Variants in ARID1B observed in about 807,000 individuals in gnomAD.
The protein encoded by ARID1B is AT-rich interaction domain 1B.
Under a neutral mutation model 212.3 loss-of-function variants are expected in ARID1B, and 30 were observed. The observed-to-expected ratio is 0.14, with a 90% confidence interval of 0.11 to 0.19. The LOEUF (loss-of-function observed/expected upper bound fraction) is 0.19, where lower values mean the gene tolerates loss of function less well. Ranked by LOEUF, ARID1B falls within the 10% of genes least tolerant of loss-of-function variation. The probability of loss-of-function intolerance (pLI) is 1.00; values close to 1 mark genes in which losing one functional copy is unlikely to be tolerated. For missense variants in ARID1B, 2,891 were observed against 3,204.0 expected (o/e 0.90, Z 2.36); for synonymous variants, 1,402 against 1,301.7 (o/e 1.08, Z -1.66).
At chr6:157,161,050 A>G (rs1790896325) in intron 8 of ARID1B, among the ~76,000 whole-genome samples, 1 of 152,172 alleles carries the variant, frequency 6.6e-6, no homozygotes, top group Non-Finnish European at 1.5e-5. Flanking sequence ...TACTTATCTT[A>G]AAATACTCAT....
chr6:156,916,101 A>G (rs1198391330), intron 3 of ARID1B, among the ~76,000 whole-genome samples: 1 of 152,176 alleles, frequency 6.6e-6, no homozygotes, highest in Non-Finnish European at 1.5e-5. Flanking sequence ...AGAATTTGGA[A>G]TTAGGATGGA....
chr6:157,016,756 T>A (rs780737580), intron 4 of ARID1B, among the ~76,000 whole-genome samples: 2 of 152,244 alleles, frequency 1.3e-5, no homozygotes, highest in Non-Finnish European at 2.9e-5. Context: ...ATAATGATAT[T>A]ACTTATTTTT....
intron 5 of ARID1B, among the ~76,000 whole-genome samples, chr6:157,098,160 GC>G (rs1387757506): frequency 1.3e-5 from 2 of 152,054 alleles, no homozygotes; most frequent in Non-Finnish European, 2.9e-5. Flanking sequence ...TTATTAATTT[GC>G]CCTGGTGAGA....
chr6:156,820,070 A>C (rs1427095655), intron 1 of ARID1B, among the ~76,000 whole-genome samples: 2 of 152,174 alleles, frequency 1.3e-5, no homozygotes, highest in Non-Finnish European at 2.9e-5. Flanking sequence ...CTCTGAGGTC[A>C]GAGAGAGGCG....
chr6:156,865,876 T>C (rs1785650493), intron 2 of ARID1B, among the ~76,000 whole-genome samples: 1 of 137,452 alleles, frequency 7.3e-6, no homozygotes, highest in Non-Finnish European at 1.7e-5. Context: ...CCTGTTCTTA[T>C]TTGAGGGTAG....
intron 17 of ARID1B, among the ~76,000 whole-genome samples, chr6:157,199,912 C>CT (rs1051975989): frequency 3.3e-5 from 5 of 152,188 alleles, no homozygotes; most frequent in Admixed American, 2.6e-4. Context: ...GGTGATCCTC[C>CT]TGCCTCAGCC....
At position 157,190,232 on chromosome 6, in the gene ARID1B, C is replaced by T. The variant is rs778599403; in HGVS notation, c.4231+22C>T. On this transcript the variant is annotated intron_variant, in intron 15 of 19. Transcript: ENST00000636930. This position sits in a 1 kb window ranked among gnomAD's most constrained non-coding sequence, Gnocchi z 4.6. ...AAAGGTACGTGTAGAGGGGCCTCCA[C>T]CCGGCCATGGACCAGTGGGCATTCT... 1.9e-6 allele frequency: 3 copies of T among 1,592,898 alleles called. No individual in the cohort carries two copies. The highest frequency in any genetic ancestry group is 2.6e-6 in the Non-Finnish European group (3 of 1,173,116).
chr6:156,908,224 C>A (rs1476342622), intron 3 of ARID1B, among the ~76,000 whole-genome samples: 1 of 151,976 alleles, frequency 6.6e-6, no homozygotes, highest in African/African-American at 2.4e-5. Flanking sequence ...GATTTCATTT[C>A]TTTTGTCAAT....
At chr6:157,191,286 C>T (rs578197393) in intron 15 of ARID1B, among the ~76,000 whole-genome samples, 1 of 151,062 alleles carries the variant, frequency 6.6e-6, no homozygotes, top group African/African-American at 2.4e-5. Context: ...GTGGAGTGAA[C>T]GCGGGCCCTG....
intron 2 of ARID1B, among the ~76,000 whole-genome samples, chr6:156,852,204 C>G (rs1052518495): frequency 6.6e-6 from 1 of 152,124 alleles, no homozygotes; most frequent in East Asian, 1.9e-4. Flanking sequence ...TCCTAGCACA[C>G]TGGGAGGCCG....
At chr6:157,062,986 T>G (rs557459154) in intron 4 of ARID1B, among the ~76,000 whole-genome samples, 4 of 152,086 alleles carry the variant, frequency 2.6e-5, no homozygotes, top group Admixed American at 1.3e-4. Context: ...ATTACAGCCG[T>G]GAGCCACCGT....
In ARID1B at chr6:157,162,356, T is replaced by C. The variant is rs554332961; in HGVS notation, c.3090-4684T>C. 7.9e-5 allele frequency among the ~76,000 whole-genome samples: 12 copies of C among 152,218 alleles called. No homozygotes were observed. In the South Asian group the frequency reaches 2.1e-3, roughly 26 times the overall value. On this transcript the variant is annotated intron_variant, in intron 8 of 19. Transcript: ENST00000636930. ...CTCTTTCTGTTTTCACACTGAACCA[T>C]TGGAAATAGTCGCTTGAAAACTGGT...
At chr6:156,856,103 G>A (rs543232205) in intron 2 of ARID1B, among the ~76,000 whole-genome samples, 5 of 152,326 alleles carry the variant, frequency 3.3e-5, no homozygotes, top group African/African-American at 1.2e-4. Flanking sequence ...AGGACAACAT[G>A]TGTTCCTAGA....
intron 1 of ARID1B, among the ~76,000 whole-genome samples, chr6:156,825,328 A>G (rs1395862599): frequency 6.6e-6 from 1 of 152,210 alleles, no homozygotes; most frequent in African/African-American, 2.4e-5. Flanking sequence ...AATAATTTGC[A>G]CTGTATGAGT....
chr6:156,987,747 G>A (rs1217744986), intron 4 of ARID1B, among the ~76,000 whole-genome samples: 1 of 152,120 alleles, frequency 6.6e-6, no homozygotes, highest in African/African-American at 2.4e-5. Context: ...ATACTTGATA[G>A]TTATAGTAAT....
chr6:157,204,653 A>G (rs1181513905), intron 19 of ARID1B: 3 of 152,010 alleles, frequency 2.0e-5, no homozygotes, highest in Non-Finnish European at 2.9e-5. Flanking sequence ...ATGAGCTTAA[A>G]CCCCTCCTTT....
chr6:156,882,166 G>T (rs567906837), intron 2 of ARID1B, among the ~76,000 whole-genome samples: 1 of 151,824 alleles, frequency 6.6e-6, no homozygotes, highest in African/African-American at 2.4e-5. Context: ...TCTTACTCTC[G>T]TTTCTCTTCT....
intron 4 of ARID1B, among the ~76,000 whole-genome samples, chr6:157,063,111 T>C (rs1395526921): frequency 6.6e-6 from 1 of 151,482 alleles, no homozygotes; most frequent in African/African-American, 2.4e-5. Context: ...TTTAATGTGG[T>C]GGCTTTTCCC....
chr6:157,196,178 C>T lies in ARID1B; in HGVS notation c.4245C>T (p.Ser1415=), dbSNP rs1453138221. Residue 1415 remains serine, a synonymous_variant, in exon 16 of 20, where the codon AGC becomes AGT. Transcript: ENST00000636930. ...AAAATATTGCAGTGCCTGGAAGCAG[C>T]GAGCCCTTTATGACGCAAGGACAGA... ...FGGMRKVPGS[S]EPFMTQGQMP... The T allele has an allele frequency of 4.3e-6, 7 of 1,612,268 alleles. No individual in the cohort carries two copies. Among genetic ancestry groups the T allele is most frequent in the African/African-American group, 4.0e-5 (3 of 74,786 alleles).
Sources: gnomAD v4.1 joint callset for allele counts (sites outside exome capture counted in the v4.1 genomes callset) on GRCh38, gnomAD v4.1.1 for gene constraint, Gnocchi (gnomAD v3.1) non-coding constraint, MANE v1.5 for transcripts, NCBI Gene and HGNC (gene_info 2026-07-23, HGNC 2026-07-21) for gene names.